The following ITGA6 variants were observed in gnomAD, a reference collection of about 807,000 sequenced individuals.
ITGA6 encodes the protein integrin alpha-6.
Under a neutral mutation model 133.6 loss-of-function variants are expected in ITGA6, and 63 were observed. That is an observed-to-expected ratio of 0.47 (90% CI 0.38 to 0.58). The LOEUF (loss-of-function observed/expected upper bound fraction) is 0.58, where lower values mean the gene tolerates loss of function less well. Ranked by LOEUF, ITGA6 falls within the 20% of genes least tolerant of loss-of-function variation. ITGA6 has a pLI of 0.00. For missense variants in ITGA6, 1,068 were observed against 1,309.4 expected, an observed-to-expected ratio of 0.82 and a Z score of 2.85; for synonymous variants, 434 against 482.0, an observed-to-expected ratio of 0.90 and a Z score of 1.30.
Position 172,487,342 on chromosome 2 carries a change from C to G in ITGA6, c.2049C>G (p.Ser683=). ...AAATAACAGTGACAAACAGCCCTTC[C>G]AACCCAAGGAATCCCACAAAAGATG... The part of the protein sequence containing the change: ...ALEITVTNSP[S]NPRNPTKDGD... The change falls in exon 15 of 26, where the codon TCC becomes TCG. Residue 683 remains serine (S), a synonymous_variant. Coordinates refer to ENST00000684293, the MANE Select transcript of ITGA6 (RefSeq NM_000210.4). 1 of 1,614,014 alleles carries G rather than the reference C, an allele frequency of 6.2e-7. No individual in the cohort carries two copies. The highest frequency in any genetic ancestry group is 8.5e-7 in the Non-Finnish European group (1 of 1,179,834).
At chr2:172,493,338 C>G (rs1038209620) in intron 23 of ITGA6, among the ~76,000 whole-genome samples, 3 of 152,006 alleles carry the variant, frequency 2.0e-5, no homozygotes, top group African/African-American at 7.2e-5. Flanking sequence ...ATAAACCACA[C>G]CTTCCCTAAG....
chr2:172,434,442 T>A (rs1480145931), intron 1 of ITGA6, among the ~76,000 whole-genome samples: 1 of 152,086 alleles, frequency 6.6e-6, no homozygotes, highest in East Asian at 1.9e-4. Flanking sequence ...GCATACCGAT[T>A]CCGAGGTTGG....
At chr2:172,499,564 G>A (rs1687267982) in intron 24 of ITGA6, among the ~76,000 whole-genome samples, 1 of 151,876 alleles carries the variant, frequency 6.6e-6, no homozygotes, top group Admixed American at 6.6e-5. Context: ...GCCTTGCTGT[G>A]TTGCCCAGAC....
rs1398554455 is a variant in ITGA6 at position 172,498,147 on chromosome 2, G to A, written c.3114+47G>A. The stretch of plus-strand genomic sequence containing the variant: ...AATTTCATAACAAACTTTATTTCAT[G>A]TTTTAAAAAATGGGAATCAGCACTG... On this transcript the variant is annotated intron_variant, in intron 24 of 25. Transcript: ENST00000684293. 4 of 1,583,192 alleles carry A rather than the reference G, an allele frequency of 2.5e-6. No individual in the cohort carries two copies. In the African/African-American group the frequency reaches 5.4e-5, roughly 21 times the overall value.
intron 11 of ITGA6, among the ~76,000 whole-genome samples, chr2:172,483,892 C>A (rs1686552197): frequency 6.6e-6 from 1 of 152,176 alleles, no homozygotes; most frequent in African/African-American, 2.4e-5. Context: ...CTCACTGTAA[C>A]CTCTGCCTCC....
chr2:172,437,371 G>T (rs936930648), intron 1 of ITGA6, among the ~76,000 whole-genome samples: 2 of 152,216 alleles, frequency 1.3e-5, no homozygotes, highest in Admixed American at 1.3e-4. Context: ...ATAGTAAAAA[G>T]TGCTTGGATT....
intron 4 of ITGA6, among the ~76,000 whole-genome samples, 174 bp downstream of exon 4, chr2:172,469,554 ATG>A (rs1685828930): frequency 6.6e-6 from 1 of 152,206 alleles, no homozygotes; most frequent in South Asian, 2.1e-4. Flanking sequence ...AGTGGAATAT[ATG>A]TTTTGGTGTT....
chr2:172,427,976 T>C lies in ITGA6; in HGVS notation c.182+6T>C. 6.2e-7 allele frequency: 1 copy of C among 1,600,798 alleles called. No individual in the cohort carries two copies. The highest frequency in any genetic ancestry group is 1.4e-5 in the African/African-American group (1 of 73,716). ...CAGCCCGAGGACAAGCGGCTGTGAG[T>C]TCCCAGACCCTTCCCACCCCCACTG... On this transcript the variant is annotated splice_donor_region_variant and intron_variant, in intron 1 of 25. Transcript: ENST00000684293.
In ITGA6 at chr2:172,504,334, C is replaced by T; in HGVS notation, c.*266C>T. On this transcript the variant is annotated 3_prime_UTR_variant, in exon 26 of 26. Transcript: ENST00000684293. ...AATTCAATTTGGATTTAAAAGCCTG[C>T]TCAATCCCTGAGGACTGATTTCAGA... 9.3e-7 allele frequency: 1 copy of T among 1,073,246 alleles called. No homozygotes were observed. Among genetic ancestry groups the T allele is most frequent in the Non-Finnish European group, 1.3e-6 (1 of 748,744 alleles). The allele number at this position is 1,073,246 out of a possible 1,614,324, so 66.5% of individuals were successfully genotyped here. A position where few individuals can be genotyped will look rare whatever the true frequency, so the allele number is the denominator to read the frequency against.
chr2:172,446,316 G>T (rs1684765952), intron 1 of ITGA6, among the ~76,000 whole-genome samples: 2 of 152,070 alleles, frequency 1.3e-5, no homozygotes. Flanking sequence ...ATTTAAAGTC[G>T]CTTTTTCCTT....
intron 23 of ITGA6, 63 bp from the exon 24 acceptor site, chr2:172,497,912 A>C: frequency 6.3e-7 from 1 of 1,592,952 alleles, no homozygotes; most frequent in Non-Finnish European, 8.6e-7. Context: ...TTAGAACCAT[A>C]AACTCCTGGT....
chr2:172,450,164 G>A (rs1684927981), intron 1 of ITGA6, among the ~76,000 whole-genome samples: 1 of 152,184 alleles, frequency 6.6e-6, no homozygotes, highest in South Asian at 2.1e-4. Context: ...CTCACCATGG[G>A]CCTTGTAGAA....
chr2:172,450,834 A>T (rs1684957499), intron 1 of ITGA6, among the ~76,000 whole-genome samples: 2 of 144,796 alleles, frequency 1.4e-5, no homozygotes, highest in Non-Finnish European at 3.0e-5. Context: ...ATATATATAA[A>T]ATATATATAT....
chr2:172,498,948 C>A (rs951175994), intron 24 of ITGA6, among the ~76,000 whole-genome samples: 1 of 152,234 alleles, frequency 6.6e-6, no homozygotes. Context: ...TGCAGAAATA[C>A]TAACATTTTG....
At position 172,469,179 on chromosome 2, in the gene ITGA6, C is replaced by T. The variant is rs754621187; in HGVS notation, c.442C>T (p.Arg148Ter). The T allele has an allele frequency of 1.2e-6, 2 of 1,614,056 alleles. No homozygotes were observed. Among genetic ancestry groups the T allele is most frequent in the Non-Finnish European group, 1.7e-6 (2 of 1,179,970 alleles). Residue 148 changes from arginine to a stop codon, truncating the protein, a stop_gained, in exon 4 of 26, where the codon CGA becomes TGA. Coordinates refer to ENST00000684293, the MANE Select transcript of ITGA6 (RefSeq NM_000210.4). LOFTEE classifies it high-confidence loss of function. ...GCATGTTAATACGAAGCAGGAATCC[C>T]GAGACATCTTTGGGCGGTGTTATGT... ...RQHVNTKQES[R>*]DIFGRCYVLS...
In ITGA6 at chr2:172,484,763, T is replaced by A. The variant is rs1000130457; in HGVS notation, c.1550-19T>A. The stretch of plus-strand genomic sequence containing the variant: ...GTGCATGAATGCACTTACGTTAATA[T>A]GATTTTAATTTTATCTAGCAATTGT... On this transcript the variant is annotated intron_variant, in intron 11 of 25. Transcript: ENST00000684293. 1 of 1,609,922 alleles carries A rather than the reference T, an allele frequency of 6.2e-7. No homozygotes were observed. The highest frequency in any genetic ancestry group is 2.2e-5 in the East Asian group (1 of 44,860).
chr2:172,471,653 G>A lies in ITGA6; in HGVS notation c.775+548G>A, dbSNP rs961858291. 6.6e-5 allele frequency among the ~76,000 whole-genome samples: 10 copies of A among 152,174 alleles called. 1 individual carries two copies. Among genetic ancestry groups the A allele is most frequent in the Admixed American group, 6.5e-4 (10 of 15,272 alleles). ...AGATGGATAAAAGCTTCCCAGCGGA[G>A]GTTGAGCAGGACTGCTAAAACGGCT... On this transcript the variant is annotated intron_variant, in intron 5 of 25. Coordinates refer to ENST00000684293, the MANE Select transcript of ITGA6 (RefSeq NM_000210.4).
At chr2:172,444,975 T>G in intron 1 of ITGA6, among the ~76,000 whole-genome samples, 1 of 151,894 alleles carries the variant, frequency 6.6e-6, no homozygotes, top group East Asian at 2.0e-4. Context: ...TTGTTTGTTT[T>G]GTTTTGTTTT....
rs776816163 is a variant in ITGA6 at position 172,469,268 on chromosome 2, G to C, written c.531G>C (p.Gly177=). Residue 177 remains glycine, a synonymous_variant, in exon 4 of 26, where the codon GGG becomes GGC. Transcript: ENST00000684293. ...MDGGDWSFCD[G]RLRGHEKFGS... Reference sequence around the variant, plus strand: ...GGGGAGATTGGAGCTTTTGTGATGGGCGATTGAGAGGCCATGAGAAATTTG... The same window carrying C: ...GGGGAGATTGGAGCTTTTGTGATGGCCGATTGAGAGGCCATGAGAAATTTG... 1 of 1,614,150 alleles carries C rather than the reference G, an allele frequency of 6.2e-7. No homozygotes were observed. The highest frequency in any genetic ancestry group is 8.5e-7 in the Non-Finnish European group (1 of 1,180,008).
Sources: gnomAD v4.1 joint callset for allele counts (sites outside exome capture counted in the v4.1 genomes callset) on GRCh38, gnomAD v4.1.1 for gene constraint, MANE v1.5 for transcripts, NCBI Gene and HGNC (gene_info 2026-07-23, HGNC 2026-07-21) for gene names.